TLN2: variants seen among roughly 807,000 people sequenced by gnomAD.
TLN2 encodes the protein talin 2.
Under a neutral mutation model 294.7 loss-of-function variants are expected in TLN2, and 118 were observed. The ratio of observed to expected loss-of-function variants is 0.40; its 90% CI spans 0.34 to 0.47. The LOEUF (loss-of-function observed/expected upper bound fraction) is 0.47. Ranked by LOEUF, TLN2 falls within the 20% of genes least tolerant of loss-of-function variation. TLN2 has a pLI of 0.84. For synonymous variants in TLN2, 1,431 were observed against 1,304.5 expected, an observed-to-expected ratio of 1.10 and a Z score of -2.09; for missense variants, 3,083 against 3,282.2, an observed-to-expected ratio of 0.94 and a Z score of 1.48.
At chr15:62,617,152 G>T (rs1393246270) in intron 2 of TLN2, among the ~76,000 whole-genome samples, 2 of 152,146 alleles carry the variant, frequency 1.3e-5, no homozygotes, top group African/African-American at 4.8e-5. Flanking sequence ...GCATTCTCAG[G>T]AGTGGGGTCA....
intron 1 of TLN2, among the ~76,000 whole-genome samples, chr15:62,468,951 C>T (rs953357560): frequency 6.6e-6 from 1 of 152,122 alleles, no homozygotes; most frequent in East Asian, 1.9e-4. Context: ...ACAGCAATTG[C>T]CCAGAAAACG....
intron 3 of TLN2, 63 bp downstream of exon 3, chr15:62,618,538 G>T (rs1253853617): frequency 2.6e-5 from 4 of 152,218 alleles, no homozygotes; most frequent in Admixed American, 1.3e-4. Context: ...ATGACACACA[G>T]ATTTCCACTA....
chr15:62,714,075 A>C (rs1393678610), intron 22 of TLN2, among the ~76,000 whole-genome samples: 1 of 151,840 alleles, frequency 6.6e-6, no homozygotes, highest in African/African-American at 2.4e-5. Flanking sequence ...TAGGTTGGAA[A>C]GAACTGTAGG....
intron 40 of TLN2, among the ~76,000 whole-genome samples, chr15:62,764,982 A>C (rs2062905783): frequency 6.6e-6 from 1 of 151,378 alleles, no homozygotes; most frequent in Non-Finnish European, 1.5e-5. Context: ...AAAAAAAAAA[A>C]AAAAAAAAAG....
intron 1 of TLN2, among the ~76,000 whole-genome samples, chr15:62,556,117 A>G (rs1253832818): frequency 2.7e-5 from 4 of 150,880 alleles, no homozygotes; most frequent in African/African-American, 9.7e-5. Flanking sequence ...TCTCTCCATT[A>G]TTGTATCTTT....
Position 62,835,719 on chromosome 15 carries a change from C to A in TLN2, c.7129-18C>A, listed in dbSNP as rs1233223228. The A allele has an allele frequency of 6.2e-7, 1 of 1,614,134 alleles. No homozygotes were observed. Reference sequence around the variant, plus strand: ...GGCTGCCTGCCCTCATGGCCAATTTCTCGACTCTACTCTCTAGGTGGGCTC... The same window carrying A: ...GGCTGCCTGCCCTCATGGCCAATTTATCGACTCTACTCTCTAGGTGGGCTC... On this transcript the variant is annotated intron_variant, in intron 55 of 58. Coordinates refer to ENST00000636159, the MANE Select transcript of TLN2 (RefSeq NM_015059.3).
chr15:62,731,441 T>A (rs1175141743), intron 28 of TLN2, among the ~76,000 whole-genome samples: 1 of 152,200 alleles, frequency 6.6e-6, no homozygotes, highest in Non-Finnish European at 1.5e-5. Context: ...TACTCTTCGC[T>A]TCTGGCAGGT....
intron 42 of TLN2, among the ~76,000 whole-genome samples, 167 bp downstream of exon 42, chr15:62,771,301 G>A (rs2063337900): frequency 6.6e-6 from 1 of 152,162 alleles, no homozygotes; most frequent in Admixed American, 6.5e-5. Context: ...AGGTTCTTAG[G>A]GAGGAAATGA....
At chr15:62,740,901 C>A in intron 32 of TLN2, 132 bp downstream of exon 32, 1 of 1,156,562 alleles carries the variant, frequency 8.6e-7, no homozygotes, top group Non-Finnish European at 1.2e-6. Flanking sequence ...GGAGGTGGAG[C>A]TGAGAGTGAT....
intron 22 of TLN2, 45 bp from the exon 23 acceptor site, chr15:62,716,286 T>A: frequency 6.6e-7 from 1 of 1,505,706 alleles, no homozygotes; most frequent in Non-Finnish European, 8.9e-7. Flanking sequence ...AATTCAGTGA[T>A]GTCTCCTGCT....
In TLN2 at chr15:62,797,358, A is replaced by G. The variant is rs1384256521; in HGVS notation, c.6190A>G (p.Lys2064Glu). Residue 2064 changes from lysine to glutamate, a missense_variant, in exon 48 of 59, where the codon AAG becomes GAG. Transcript: ENST00000636159. ...ATITQLAEVVKLGAASLGSDD... is the reference protein window; with the variant it reads ...ATITQLAEVVELGAASLGSDD... ...CATCACCCAGCTCGCAGAAGTGGTC[A>G]AGCTGGGGGCAGCCAGCCTGGGCTC... The G allele has an allele frequency of 6.2e-7, 1 of 1,612,744 alleles. No homozygotes were observed. The highest frequency in any genetic ancestry group is 1.3e-5 in the African/African-American group (1 of 74,892).
intron 1 of TLN2, among the ~76,000 whole-genome samples, chr15:62,461,416 G>A (rs1166709814): frequency 1.3e-5 from 2 of 152,154 alleles, no homozygotes; most frequent in Non-Finnish European, 2.9e-5. Flanking sequence ...TTACGTACCT[G>A]TTCTTCTGTA....
chr15:62,629,985 C>T (rs74020006), intron 3 of TLN2, among the ~76,000 whole-genome samples: 9,367 of 152,204 alleles, frequency 0.062, 422 homozygotes, highest in African/African-American at 0.13. Flanking sequence ...AGAATCTCTT[C>T]TATGTCTTTA....
intron 42 of TLN2, among the ~76,000 whole-genome samples, chr15:62,775,840 C>T (rs1033888740): frequency 4.6e-5 from 7 of 152,224 alleles, no homozygotes; most frequent in Non-Finnish European, 8.8e-5. Context: ...AACCTGACAT[C>T]AGGTCAAATT....
chr15:62,435,616 A>T (rs567159229), intron 1 of TLN2, among the ~76,000 whole-genome samples: 1 of 152,284 alleles, frequency 6.6e-6, no homozygotes, highest in African/African-American at 2.4e-5. Flanking sequence ...ATCTTGGCTC[A>T]CTGCAACTTC....
At position 62,825,748 on chromosome 15, in the gene TLN2, TAA is replaced by T. The variant is rs1491465342; in HGVS notation, c.7002+5140_7002+5141del. Among the ~76,000 whole-genome samples, 52 of 105,540 alleles carry T rather than the reference TAA, an allele frequency of 4.9e-4. No homozygotes were observed. In the South Asian group the frequency reaches 0.012, roughly 25 times the overall value. 69.2% of individuals were successfully genotyped at this position (105,540 alleles called of 152,430 possible). The stretch of plus-strand genomic sequence containing the variant: ...TATAAAAATATATTTTTATATATAT[TAA>T]ATATAATTATAATTATATATTATAT... On this transcript the variant is annotated intron_variant, in intron 54 of 58. Coordinates refer to ENST00000636159, the MANE Select transcript of TLN2 (RefSeq NM_015059.3).
chr15:62,416,019 T>C (rs1366358254), intron 1 of TLN2, among the ~76,000 whole-genome samples: 1 of 152,154 alleles, frequency 6.6e-6, no homozygotes, highest in Non-Finnish European at 1.5e-5. Flanking sequence ...ACAAAGTTGG[T>C]TGGGCACAGT....
intron 9 of TLN2, among the ~76,000 whole-genome samples, chr15:62,659,808 T>A (rs1484198143): frequency 6.6e-6 from 1 of 152,240 alleles, no homozygotes; most frequent in African/African-American, 2.4e-5. Context: ...AATGAGGCAT[T>A]TTTACTTAAT....
At position 62,493,966 on chromosome 15, in the gene TLN2, G is replaced by A. The variant is rs371453733; in HGVS notation, c.-237-95721G>A. 1.6e-4 allele frequency among the ~76,000 whole-genome samples: 25 copies of A among 152,244 alleles called. No homozygotes were observed. The South Asian group carries it at 5.0e-3, about 30-fold the overall frequency. On this transcript the variant is annotated intron_variant, in intron 1 of 58. Transcript: ENST00000636159. Reference sequence around the variant, plus strand: ...TCTCCTTGTCTCAGGGGAGGACACTGCTGATGAAGAGTTTTTTTTAGATCT... The same window carrying A: ...TCTCCTTGTCTCAGGGGAGGACACTACTGATGAAGAGTTTTTTTTAGATCT...
Sources: gnomAD v4.1 joint callset for allele counts (sites outside exome capture counted in the v4.1 genomes callset) on GRCh38, gnomAD v4.1.1 for gene constraint, MANE v1.5 for transcripts, NCBI Gene and HGNC (gene_info 2026-07-23, HGNC 2026-07-21) for gene names.